CFTR: variants seen among roughly 807,000 people sequenced by gnomAD.
CFTR encodes the protein CF transmembrane conductance regulator.
In CFTR, 181 loss-of-function variants were observed where a neutral mutation model predicts 171.6. The ratio of observed to expected loss-of-function variants is 1.05; its 90% CI spans 0.93 to 1.19. The LOEUF (loss-of-function observed/expected upper bound fraction) is 1.19. Among genes scored for constraint, CFTR ranks in the 50% most tolerant of loss-of-function variants. The pLI is 0.00. For synonymous variants in CFTR, 583 were observed against 608.0 expected, an observed-to-expected ratio of 0.96 and a Z score of 0.60; for missense variants, 1,968 against 1,734.7, an observed-to-expected ratio of 1.13 and a Z score of -2.39.
At chr7:117,501,776 C>CAAAAAAA (rs796991857) in intron 1 of CFTR, among the ~76,000 whole-genome samples, 6 of 84,322 alleles carry the variant, frequency 7.1e-5, no homozygotes, top group East Asian at 3.5e-4. Context: ...AAAAAAGAAA[C>CAAAAAAA]AAAAAAAAAA....
intron 1 of CFTR, among the ~76,000 whole-genome samples, chr7:117,495,210 T>G (rs1204318014): frequency 6.6e-6 from 1 of 152,176 alleles, no homozygotes; most frequent in Non-Finnish European, 1.5e-5. Flanking sequence ...TTAATCATTC[T>G]TCTTTCTAGC....
intron 15 of CFTR, among the ~76,000 whole-genome samples, chr7:117,601,454 A>G (rs2518879): frequency 0.18 from 27,911 of 152,026 alleles, 2,768 homozygotes; most frequent in Non-Finnish European, 0.2. Context: ...TAAAACTTAT[A>G]TACCTCATTA....
intron 7 of CFTR, among the ~76,000 whole-genome samples, chr7:117,539,134 G>A (rs920967268): frequency 6.6e-6 from 1 of 152,092 alleles, no homozygotes; most frequent in Non-Finnish European, 1.5e-5. Context: ...GCAAGAGCTG[G>A]GTGGGGAGGA....
chr7:117,631,303 CT>C (rs1026997374), intron 22 of CFTR, among the ~76,000 whole-genome samples: 7 of 152,258 alleles, frequency 4.6e-5, no homozygotes, highest in Admixed American at 2.0e-4. Flanking sequence ...GTTTCCCCCC[CT>C]AGTTCCTGAA....
chr7:117,494,277 T>G (rs968344565), intron 1 of CFTR, among the ~76,000 whole-genome samples: 1 of 152,052 alleles, frequency 6.6e-6, no homozygotes, highest in Non-Finnish European at 1.5e-5. Context: ...GAAAGTCGAT[T>G]CAAGGCAGTA....
chr7:117,562,403 A>T (rs906108356), intron 11 of CFTR, among the ~76,000 whole-genome samples: 1 of 152,188 alleles, frequency 6.6e-6, no homozygotes, highest in African/African-American at 2.4e-5. Flanking sequence ...ATAATTATAA[A>T]GATGGTCACT....
chr7:117,651,717 CA>C (rs1793092872), intron 23 of CFTR, among the ~76,000 whole-genome samples: 1 of 152,110 alleles, frequency 6.6e-6, no homozygotes, highest in Non-Finnish European at 1.5e-5. Context: ...TTTAAGTCAT[CA>C]GTTATGCCCC....
Position 117,652,828 on chromosome 7 carries a change from CT to C in CFTR, c.3874-8del, listed in dbSNP as rs1562926012. 7.9e-7 allele frequency: 1 copy of C among 1,270,200 alleles called. No homozygotes were observed. The highest frequency in any genetic ancestry group is 1.1e-6 in the Non-Finnish European group (1 of 872,330). 78.7% of individuals were successfully genotyped at this position (1,270,200 alleles called of 1,614,324 possible). On this transcript the variant is annotated splice_polypyrimidine_tract_variant and intron_variant, in intron 23 of 26. Transcript: ENST00000003084. ...GTTATTCATACTTTCTTCTTCTTTT[CT>C]TTTTTGCTATAGAAAGTATTTATTT...
chr7:117,590,603 C>G (rs1792011341), intron 13 of CFTR, among the ~76,000 whole-genome samples, 164 bp downstream of exon 13: 1 of 151,988 alleles, frequency 6.6e-6, no homozygotes, highest in Non-Finnish European at 1.5e-5. Flanking sequence ...CCCTACTGGG[C>G]CAGGATTCAA....
At chr7:117,665,911 A>G (rs1197104017) in intron 26 of CFTR, among the ~76,000 whole-genome samples, 2 of 152,222 alleles carry the variant, frequency 1.3e-5, no homozygotes, top group Non-Finnish European at 2.9e-5. Context: ...TTCAATAACT[A>G]AATGTCCCAT....
At chr7:117,586,998 G>A (rs186345990) in intron 11 of CFTR, among the ~76,000 whole-genome samples, 17 of 152,278 alleles carry the variant, frequency 1.1e-4, no homozygotes, top group African/African-American at 3.6e-4. Flanking sequence ...CCAGGATTAT[G>A]ACTTACCTTC....
chr7:117,530,904 C>T lies in CFTR; in HGVS notation c.279C>T (p.Val93=), dbSNP rs761423802. 2 of 1,607,178 alleles carry T rather than the reference C, an allele frequency of 1.2e-6. No homozygotes were observed. Among genetic ancestry groups the T allele is most frequent in the African/African-American group, 1.3e-5 (1 of 74,770 alleles). ...CTGTTTTTCCCCTTTTGTAGGAAGT[C>T]ACCAAAGCAGTACAGCCTCTCTTAC... ...FYGIFLYLGE[V]TKAVQPLLLG... Residue 93 remains valine, a synonymous_variant, in exon 4 of 27, where the codon GTC becomes GTT. Coordinates refer to ENST00000003084, the MANE Select transcript of CFTR (RefSeq NM_000492.4).
intron 17 of CFTR, among the ~76,000 whole-genome samples, 163 bp from the exon 18 acceptor site, chr7:117,606,511 G>T (rs545159192): frequency 2.0e-5 from 3 of 152,140 alleles, no homozygotes; most frequent in Non-Finnish European, 4.4e-5. Flanking sequence ...TATTTAGAAT[G>T]TTTGGAAAGA....
intron 2 of CFTR, among the ~76,000 whole-genome samples, chr7:117,508,018 T>G (rs1166388636): frequency 5.3e-5 from 8 of 152,198 alleles, no homozygotes; most frequent in Admixed American, 1.3e-4. Flanking sequence ...TCAAGTGATC[T>G]GCCCGCCTTG....
chr7:117,660,536 AG>A (rs1167792278), intron 24 of CFTR, among the ~76,000 whole-genome samples: 1 of 152,074 alleles, frequency 6.6e-6, no homozygotes, highest in Non-Finnish European at 1.5e-5. Context: ...AGGCTGAGGC[AG>A]GAGAATTGTT....
At chr7:117,632,328 A>G (rs1010786009) in intron 22 of CFTR, among the ~76,000 whole-genome samples, 5 of 152,066 alleles carry the variant, frequency 3.3e-5, no homozygotes, top group African/African-American at 1.2e-4. Context: ...CTTTGAGAGG[A>G]CATAGTGGGA....
intron 1 of CFTR, among the ~76,000 whole-genome samples, chr7:117,502,387 A>G (rs1337415885): frequency 1.3e-5 from 2 of 152,256 alleles, no homozygotes; most frequent in Admixed American, 6.5e-5. Flanking sequence ...AATGAAAACC[A>G]CAACCTGCTC....
intron 20 of CFTR, among the ~76,000 whole-genome samples, chr7:117,612,614 A>G (rs989924608): frequency 2.6e-5 from 4 of 152,116 alleles, no homozygotes; most frequent in Non-Finnish European, 5.9e-5. Flanking sequence ...TGCCAAATCA[A>G]TGCCAAATCT....
chr7:117,609,399 T>G (rs1461712702), intron 18 of CFTR, among the ~76,000 whole-genome samples: 8 of 152,156 alleles, frequency 5.3e-5, no homozygotes. Flanking sequence ...TGGTAACGGG[T>G]AGAGAACTGG....
Sources: gnomAD v4.1 joint callset for allele counts (sites outside exome capture counted in the v4.1 genomes callset) on GRCh38, gnomAD v4.1.1 for gene constraint, MANE v1.5 for transcripts, NCBI Gene and HGNC (gene_info 2026-07-23, HGNC 2026-07-21) for gene names.